Variants in ACOX3 observed in about 807,000 individuals in gnomAD.
ACOX3 encodes the protein acyl-CoA oxidase 3, pristanoyl.
A neutral mutation model predicts 81.5 loss-of-function variants in ACOX3; 73 were observed. That is an observed-to-expected ratio of 0.90 (90% CI 0.74 to 1.09). The LOEUF (loss-of-function observed/expected upper bound fraction) is 1.09, where lower values mean the gene tolerates loss of function less well. Ranked by LOEUF, ACOX3 falls within the 50% of genes least tolerant of loss-of-function variation. The probability of loss-of-function intolerance (pLI) is 0.00; values close to 1 mark genes in which losing one functional copy is unlikely to be tolerated. For synonymous variants in ACOX3, 387 were observed against 375.1 expected, an observed-to-expected ratio of 1.03 and a Z score of -0.37; for missense variants, 947 against 928.0, an observed-to-expected ratio of 1.02 and a Z score of -0.27.
rs1273148329 is a variant in ACOX3 at position 8,389,157 on chromosome 4, C to T, written c.1537+16G>A. 2 of 1,604,442 alleles carry T rather than the reference C, an allele frequency of 1.2e-6. No individual in the cohort carries two copies. The highest frequency in any genetic ancestry group is 1.7e-6 in the Non-Finnish European group (2 of 1,171,916). On this transcript the variant is annotated intron_variant, in intron 13 of 17. Coordinates refer to ENST00000356406, the MANE Select transcript of ACOX3 (RefSeq NM_003501.3). This position sits in a 1 kb window ranked among gnomAD's most constrained non-coding sequence, Gnocchi z 5.3. ...GAAATCAGGAGGCCAGGGGAGCCCT[C>T]CACCTGTGTGTTTACCTGCAGAGTC...
chr4:8,373,181 G>A (rs1716448949), intron 16 of ACOX3, among the ~76,000 whole-genome samples: 1 of 152,244 alleles, frequency 6.6e-6, no homozygotes, highest in Admixed American at 6.5e-5. Context: ...GTGTGTGAGA[G>A]GGCCTGGGTG....
chr4:8,389,269 T>C lies in ACOX3; in HGVS notation c.1441A>G (p.Ser481Gly). ...HQVHDGACFR[S>G]PLKSVDFLDA... The stretch of plus-strand genomic sequence containing the variant: ...AGAAAGTCCACTGACTTCAGCGGAC[T>C]GCGGAAGCAAGCTCCATCTAGGACA... Residue 481 changes from serine (S) to glycine (G), a missense_variant, in exon 13 of 18, where the codon AGT (serine) becomes GGT (glycine). Ser to Gly is a moderately conservative substitution (Grantham distance 56). Transcript: ENST00000356406. The surrounding 1 kb of genome is among the most constrained non-coding windows in gnomAD (Gnocchi z 5.3). The C allele has an allele frequency of 6.2e-7, 1 of 1,613,198 alleles. No homozygotes were observed. The highest frequency in any genetic ancestry group is 8.5e-7 in the Non-Finnish European group (1 of 1,179,670).
At chr4:8,383,563 G>GC (rs1159148524) in intron 13 of ACOX3, among the ~76,000 whole-genome samples, 3 of 152,120 alleles carry the variant, frequency 2.0e-5, no homozygotes, top group Non-Finnish European at 2.9e-5. Flanking sequence ...GGCGGGAAAA[G>GC]CCCCCCCACC....
At position 8,422,522 on chromosome 4, in the gene ACOX3, C is replaced by T. The variant is rs370593478; in HGVS notation, c.-14-5987G>A. Among the ~76,000 whole-genome samples, 57 of 152,238 alleles carry T rather than the reference C, an allele frequency of 3.7e-4. No homozygotes were observed. In the East Asian group the frequency reaches 8.3e-3, roughly 22 times the overall value. ...TAGAGATCAGGAGGAGCAGGCAGAA[C>T]AGGACAAACGGGCCCTCAGGCAAGC... On this transcript the variant is annotated intron_variant, in intron 1 of 17. Transcript: ENST00000356406.
At chr4:8,413,560 C>T (rs369086812) in intron 5 of ACOX3, among the ~76,000 whole-genome samples, 9 of 146,850 alleles carry the variant, frequency 6.1e-5, no homozygotes, top group African/African-American at 2.3e-4. Flanking sequence ...ATCTGTGTCC[C>T]GTCTCACTGC....
rs149954673 is a variant in ACOX3 at position 8,366,925 on chromosome 4, G to A, written c.*36C>T. The A allele has an allele frequency of 1.3e-4, 203 of 1,610,514 alleles. No individual in the cohort carries two copies. The African/African-American group carries it at 1.9e-3, about 15-fold the overall frequency. Reference sequence around the variant, plus strand: ...GGTCCACGTCTGATTAGTTCCCTTCGTTTCATTAGACTTGGCTGAATGTGT... The same window carrying A: ...GGTCCACGTCTGATTAGTTCCCTTCATTTCATTAGACTTGGCTGAATGTGT... On this transcript the variant is annotated 3_prime_UTR_variant, in exon 18 of 18. Transcript: ENST00000356406.
rs543708925 is a variant in ACOX3, at chr4:8,398,056, G to C, written c.874-937C>G. Among the ~76,000 whole-genome samples, 13 of 152,296 alleles carry C rather than the reference G, an allele frequency of 8.5e-5. No individual in the cohort carries two copies. The South Asian group carries it at 1.5e-3, about 17-fold the overall frequency. On this transcript the variant is annotated intron_variant, in intron 8 of 17. Coordinates refer to ENST00000356406, the MANE Select transcript of ACOX3 (RefSeq NM_003501.3). ...GGTGCCTGTAGTCCCAGCTACTCAG[G>C]AGGCTGATGCAGGAGAATCACTTGA...
Position 8,392,354 on chromosome 4 carries a change from C to T in ACOX3, c.1279G>A (p.Gly427Arg). The change falls in exon 11 of 18, where the codon GGA becomes AGA. Residue 427 changes from glycine (G) to arginine (R), a missense_variant. Physicochemically the swap from Gly to Arg is moderately radical, Grantham distance 125. Coordinates refer to ENST00000356406, the MANE Select transcript of ACOX3 (RefSeq NM_003501.3). ...QGIQECREACGGHGYLAMNRL... is the reference protein window; with the variant it reads ...QGIQECREACRGHGYLAMNRL... ...CTACTGGCCAGATAGCCGTGTCCTC[C>T]ACACGCCTCCCGGCATTCCTGAATT... The T allele has an allele frequency of 6.2e-7, 1 of 1,601,762 alleles. No homozygotes were observed. Among genetic ancestry groups the T allele is most frequent in the East Asian group, 2.3e-5 (1 of 44,114 alleles).
At position 8,394,639 on chromosome 4, in the gene ACOX3, C is replaced by T; in HGVS notation, c.1160G>A (p.Gly387Glu). 1 of 1,613,750 alleles carries T rather than the reference C, an allele frequency of 6.2e-7. No individual in the cohort carries two copies. Residue 387 changes from glycine (G) to glutamate (E), a missense_variant, in exon 10 of 18, where the codon GGA (glycine) becomes GAA (glutamate). Coordinates refer to ENST00000356406, the MANE Select transcript of ACOX3 (RefSeq NM_003501.3). The surrounding 1 kb of genome is among the most constrained non-coding windows in gnomAD (Gnocchi z 5.9). ...LVELQRGLAS[G>E]DRSARQAELG... Reference sequence around the variant, plus strand: ...CCTCACCTGTCTGGCGCTGCGGTCTCCCGATGCAAGTCCTCGCTGGAGCTC... The same window carrying T: ...CCTCACCTGTCTGGCGCTGCGGTCTTCCGATGCAAGTCCTCGCTGGAGCTC...
At chr4:8,396,863 C>T (rs533613882) in intron 9 of ACOX3, 74 bp downstream of exon 9, 46 of 1,534,514 alleles carry the variant, frequency 3.0e-5, no homozygotes, top group East Asian at 4.6e-5. Context: ...AGTAACCAAA[C>T]GGCAACTATG....
chr4:8,360,474 T>G, the ACOX3 span, among the ~76,000 whole-genome samples: 17 of 11,568 alleles, frequency 1.5e-3, no homozygotes, highest in African/African-American at 7.1e-3. Context: ...TTCTTTGACT[T>G]TTTTTTTTTT....
Position 8,394,365 on chromosome 4 carries a change from G to A in ACOX3, c.1179+255C>T, listed in dbSNP as rs1472785432. On this transcript the variant is annotated intron_variant, in intron 10 of 17. Transcript: ENST00000356406. The surrounding 1 kb of genome is among the most constrained non-coding windows in gnomAD (Gnocchi z 5.9). The stretch of plus-strand genomic sequence containing the variant: ...CAAAACCGTCATGTTCTCAAAAGGA[G>A]ACCAACAGCTGAACTCACAGACTGG... Among the ~76,000 whole-genome samples the A allele has an allele frequency of 6.6e-6, 1 of 152,200 alleles. No individual in the cohort carries two copies. The highest frequency in any genetic ancestry group is 2.4e-5 in the African/African-American group (1 of 41,444).
At chr4:8,408,894 G>C (rs867507976) in intron 6 of ACOX3, among the ~76,000 whole-genome samples, 701 of 47,624 alleles carry the variant, frequency 0.015, 5 homozygotes, top group Non-Finnish European at 0.019. Context: ...CCCTCACTGG[G>C]GGGGGGGGGT....
chr4:8,398,050 A>G (rs1057311319), intron 8 of ACOX3, among the ~76,000 whole-genome samples: 1 of 152,200 alleles, frequency 6.6e-6, no homozygotes, highest in African/African-American at 2.4e-5. Context: ...AGTCCCAGCT[A>G]CTCAGGAGGC....
chr4:8,358,193 CT>C, the ACOX3 span: 1 of 152,184 alleles, frequency 6.6e-6, no homozygotes, highest in African/African-American at 2.4e-5. Flanking sequence ...GCAAAGCTGT[CT>C]CTCATGGGGG....
At chr4:8,422,256 G>A (rs939935209) in intron 1 of ACOX3, among the ~76,000 whole-genome samples, 2 of 151,904 alleles carry the variant, frequency 1.3e-5, no homozygotes, top group Non-Finnish European at 2.9e-5. Context: ...GAAAGAGAGA[G>A]ATATATAAGT....
intron 8 of ACOX3, among the ~76,000 whole-genome samples, chr4:8,398,996 C>T (rs892305663): frequency 2.0e-5 from 3 of 152,206 alleles, no homozygotes; most frequent in African/African-American, 7.2e-5. Context: ...CCATCATGCT[C>T]CTTTTCCATC....
In ACOX3 at chr4:8,370,826, CT is replaced by C. The variant is rs139002082; in HGVS notation, c.1983+81del. ...CCACTTTCCAGAAGACACCAGACCC[CT>C]GACCCACAGGAGCATCTCAGCTCCG... On this transcript the variant is annotated intron_variant, in intron 17 of 17. Coordinates refer to ENST00000356406, the MANE Select transcript of ACOX3 (RefSeq NM_003501.3). This position sits in a 1 kb window ranked among gnomAD's most constrained non-coding sequence, Gnocchi z 6.3. 1.2e-3 allele frequency: 1,614 copies of C among 1,358,016 alleles called. 15 individuals are homozygous for C. The African/African-American group carries it at 0.021, about 17-fold the overall frequency. The allele number at this position is 1,358,016 out of a possible 1,614,324, so 84.1% of individuals were successfully genotyped here. A position where few individuals can be genotyped will look rare whatever the true frequency, so the allele number is the denominator to read the frequency against.
In ACOX3 at chr4:8,414,992, A is replaced by G; in HGVS notation, c.379-64T>C. 2 of 1,456,402 alleles carry G rather than the reference A, an allele frequency of 1.4e-6. No individual in the cohort carries two copies. Among genetic ancestry groups the G allele is most frequent in the South Asian group, 2.3e-5 (2 of 87,746 alleles). The allele number at this position is 1,456,402 out of a possible 1,614,324, so 90.2% of individuals were successfully genotyped here. ...AAGAAGAGTACTGCTCTTCCGGAACATCACAACAGACAACGGCACTCAACA... is the reference window on the plus strand; with the variant it reads ...AAGAAGAGTACTGCTCTTCCGGAACGTCACAACAGACAACGGCACTCAACA... On this transcript the variant is annotated intron_variant, in intron 3 of 17. Coordinates refer to ENST00000356406, the MANE Select transcript of ACOX3 (RefSeq NM_003501.3). The surrounding 1 kb of genome is among the most constrained non-coding windows in gnomAD (Gnocchi z 6.1).
Sources: allele counts gnomAD v4.1 joint callset (sites outside exome capture counted in the v4.1 genomes callset), GRCh38; gene constraint gnomAD v4.1.1; non-coding constraint Gnocchi (gnomAD v3.1); transcripts MANE v1.5; gene names NCBI Gene and HGNC (gene_info 2026-07-23, HGNC 2026-07-21).